PTPRQ: variants seen among roughly 807,000 people sequenced by gnomAD.
PTPRQ encodes phosphatidylinositol phosphatase PTPRQ.
Under a neutral mutation model 246.0 loss-of-function variants are expected in PTPRQ, and 199 were observed. The ratio of observed to expected loss-of-function variants is 0.81; its 90% CI spans 0.72 to 0.91. The LOEUF (loss-of-function observed/expected upper bound fraction) is 0.91, where lower values mean the gene tolerates loss of function less well. Among genes scored for constraint, PTPRQ ranks in the 40% least tolerant of loss-of-function variants. The pLI, the probability that PTPRQ is intolerant of heterozygous loss-of-function variation, is 0.00. For synonymous variants in PTPRQ, 869 were observed against 853.2 expected, an observed-to-expected ratio of 1.02 and a Z score of -0.32; for missense variants, 2,624 against 2,528.4, an observed-to-expected ratio of 1.04 and a Z score of -0.81.
chr12:80,673,151 A>T lies in PTPRQ; in HGVS notation c.6603-18A>T, dbSNP rs759472887. On this transcript the variant is annotated intron_variant, in intron 42 of 44. Coordinates refer to ENST00000644991, the MANE Select transcript of PTPRQ (RefSeq NM_001145026.2). ...ACCCTTTGCTGAATAATTTTCATGTAATTTACCCTTCCTGTAGTGCTGGAG... is the reference window on the plus strand; with the variant it reads ...ACCCTTTGCTGAATAATTTTCATGTTATTTACCCTTCCTGTAGTGCTGGAG... 34 of 1,549,338 alleles carry T rather than the reference A, an allele frequency of 2.2e-5. 1 individual carries two copies. The South Asian group carries it at 3.8e-4, about 17-fold the overall frequency.
In PTPRQ at chr12:80,506,190, A is replaced by G. The variant is rs564336138; in HGVS notation, c.2439A>G (p.Leu813=). The G allele has an allele frequency of 6.7e-7, 1 of 1,488,816 alleles. No homozygotes were observed. The highest frequency in any genetic ancestry group is 1.4e-5 in the South Asian group (1 of 71,150). The allele number at this position is 1,488,816 out of a possible 1,614,324, so 92.2% of individuals were successfully genotyped here. ...NEERTINTTS[L]TQNIKVLKKY... ...AAAGAACTATAAATACAACCTCTTT[A>G]ACCCAAAACATTAAAGGTAAAAGAA... The change falls in exon 15 of 45, where the codon TTA becomes TTG. Residue 813 remains leucine, a synonymous_variant. Coordinates refer to ENST00000644991, the MANE Select transcript of PTPRQ (RefSeq NM_001145026.2).
chr12:80,485,725 G>A (rs747681206), intron 9 of PTPRQ, among the ~76,000 whole-genome samples: 3 of 152,102 alleles, frequency 2.0e-5, no homozygotes, highest in Non-Finnish European at 2.9e-5. Flanking sequence ...CAGGCAAAGG[G>A]CAAAAGCTTA....
intron 8 of PTPRQ, among the ~76,000 whole-genome samples, chr12:80,478,520 G>A (rs1001777865): frequency 6.6e-6 from 1 of 152,214 alleles, no homozygotes; most frequent in Non-Finnish European, 1.5e-5. Context: ...ATGGAACAAA[G>A]CTGGACGGAG....
chr12:80,624,989 C>G (rs1899143727), intron 33 of PTPRQ, among the ~76,000 whole-genome samples: 1 of 152,098 alleles, frequency 6.6e-6, no homozygotes, highest in African/African-American at 2.4e-5. Flanking sequence ...CACATGCAGC[C>G]CATGAGCTGC....
chr12:80,645,618 C>A (rs926457305), intron 35 of PTPRQ, among the ~76,000 whole-genome samples: 3 of 151,348 alleles, frequency 2.0e-5, no homozygotes, highest in African/African-American at 7.3e-5. Context: ...AATGCAGGGA[C>A]TTAAATAGCC....
chr12:80,459,713 G>A (rs1261689989), intron 5 of PTPRQ, among the ~76,000 whole-genome samples: 1 of 152,062 alleles, frequency 6.6e-6, no homozygotes, highest in African/African-American at 2.4e-5. Context: ...CAAGAGTGAG[G>A]GATTAAAATC....
chr12:80,543,813 C>T (rs957960017), intron 23 of PTPRQ, among the ~76,000 whole-genome samples: 1 of 152,052 alleles, frequency 6.6e-6, no homozygotes, highest in African/African-American at 2.4e-5. Flanking sequence ...CCTATTACTC[C>T]ATAAATGTGA....
chr12:80,459,706 G>A (rs1450670256), intron 5 of PTPRQ, among the ~76,000 whole-genome samples: 2 of 152,156 alleles, frequency 1.3e-5, no homozygotes, highest in Non-Finnish European at 2.9e-5. Context: ...GAGAATTCAA[G>A]AGTGAGGGAT....
chr12:80,494,821 A>G (rs1894558615), intron 10 of PTPRQ, 112 bp from the exon 11 acceptor site: 2 of 1,117,480 alleles, frequency 1.8e-6, no homozygotes, highest in Non-Finnish European at 1.2e-6. Flanking sequence ...GCATGGAGAG[A>G]TTAATGAATA....
chr12:80,497,227 G>A (rs967567170), intron 14 of PTPRQ, among the ~76,000 whole-genome samples: 6 of 151,616 alleles, frequency 4.0e-5, no homozygotes, highest in African/African-American at 1.5e-4. Flanking sequence ...GAATCAATGG[G>A]AGCCCTGAGC....
intron 3 of PTPRQ, among the ~76,000 whole-genome samples, chr12:80,448,522 C>A (rs531799989): frequency 2.8e-4 from 42 of 151,732 alleles, no homozygotes; most frequent in Non-Finnish European, 5.4e-4. Flanking sequence ...TATCCCTCCC[C>A]ACTCCCCCCA....
chr12:80,544,092 A>G (rs1030582854), intron 23 of PTPRQ, among the ~76,000 whole-genome samples: 3 of 152,116 alleles, frequency 2.0e-5, no homozygotes, highest in Non-Finnish European at 2.9e-5. Context: ...AGGCTCTCTT[A>G]GCATAGCGGT....
intron 8 of PTPRQ, among the ~76,000 whole-genome samples, chr12:80,482,139 A>T (rs955104757): frequency 1.4e-4 from 22 of 152,038 alleles, no homozygotes; most frequent in African/African-American, 3.4e-4. Context: ...ACAAGGCTAC[A>T]GTAACCAAAA....
At chr12:80,674,524 G>A (rs1326820832) in intron 43 of PTPRQ, among the ~76,000 whole-genome samples, 1 of 152,088 alleles carries the variant, frequency 6.6e-6, no homozygotes, top group Non-Finnish European at 1.5e-5. Flanking sequence ...TTCCAGACCA[G>A]AGATATCCAA....
chr12:80,524,283 A>C (rs1895611445), intron 17 of PTPRQ, among the ~76,000 whole-genome samples: 1 of 152,120 alleles, frequency 6.6e-6, no homozygotes, highest in Non-Finnish European at 1.5e-5. Flanking sequence ...GGGTTTCCTG[A>C]ATACAGAACA....
intron 19 of PTPRQ, among the ~76,000 whole-genome samples, chr12:80,537,358 C>T (rs1283183834): frequency 6.6e-6 from 1 of 152,128 alleles, no homozygotes; most frequent in African/African-American, 2.4e-5. Flanking sequence ...TCCTACAGAA[C>T]TTTGTAGAAT....
intron 18 of PTPRQ, 59 bp downstream of exon 18, chr12:80,534,234 T>G: frequency 1.4e-6 from 2 of 1,384,832 alleles, no homozygotes; most frequent in Non-Finnish European, 1.9e-6. Flanking sequence ...AAAAAAATCC[T>G]GCCCAGAAAA....
intron 43 of PTPRQ, among the ~76,000 whole-genome samples, chr12:80,676,904 T>C (rs1901162490): frequency 6.6e-6 from 1 of 152,182 alleles, no homozygotes; most frequent in Non-Finnish European, 1.5e-5. Flanking sequence ...TGACACACAC[T>C]CCCACCCCCA....
intron 9 of PTPRQ, among the ~76,000 whole-genome samples, chr12:80,489,083 T>G (rs1451633193): frequency 2.0e-5 from 3 of 152,034 alleles, no homozygotes; most frequent in African/African-American, 7.2e-5. Flanking sequence ...TATGGTCCCA[T>G]AAGCATCTAT....
Sources: gnomAD v4.1 joint callset for allele counts (sites outside exome capture counted in the v4.1 genomes callset) on GRCh38, gnomAD v4.1.1 for gene constraint, MANE v1.5 for transcripts, NCBI Gene and HGNC (gene_info 2026-07-23, HGNC 2026-07-21) for gene names.